The following TSGA10 variants were observed in gnomAD, a reference collection of about 807,000 sequenced individuals.
TSGA10 encodes the protein testis specific 10.
A neutral mutation model predicts 96.6 loss-of-function variants in TSGA10; 43 were observed. That is an observed-to-expected ratio of 0.44 (90% CI 0.35 to 0.57). TSGA10 has a LOEUF of 0.57. Among genes scored for constraint, TSGA10 ranks in the 20% least tolerant of loss-of-function variants. The pLI is 0.01. For missense variants in TSGA10, 703 were observed against 834.4 expected, an observed-to-expected ratio of 0.84 and a Z score of 1.94; for synonymous variants, 229 against 269.9, an observed-to-expected ratio of 0.85 and a Z score of 1.48.
At chr2:99,139,241 C>G (rs562563754) in intron 1 of TSGA10, among the ~76,000 whole-genome samples, 1 of 151,790 alleles carries the variant, frequency 6.6e-6, no homozygotes, top group African/African-American at 2.4e-5. Context: ...CCAGCCTGAG[C>G]GACAGTGAGA....
At chr2:99,035,137 T>C in intron 17 of TSGA10, 93 bp downstream of exon 17, 1 of 874,996 alleles carries the variant, frequency 1.1e-6, no homozygotes, top group Non-Finnish European at 1.7e-6. Context: ...CATGGATTCA[T>C]GTAATATTAC....
At chr2:99,026,970 ATTAG>A (rs1208381775) in intron 17 of TSGA10, among the ~76,000 whole-genome samples, 1 of 152,222 alleles carries the variant, frequency 6.6e-6, no homozygotes, top group Non-Finnish European at 1.5e-5. Flanking sequence ...ATCATCAGGC[ATTAG>A]TTAGATTCTC....
intron 11 of TSGA10, among the ~76,000 whole-genome samples, chr2:99,079,641 AAACTGTTAGAGACAC>A (rs1354872775): frequency 1.8e-4 from 28 of 152,156 alleles, no homozygotes; most frequent in African/African-American, 6.5e-4. Context: ...TTACCTACAG[AAACTGTTAGAGACAC>A]AAAAGCTCTG....
intron 17 of TSGA10, among the ~76,000 whole-genome samples, chr2:99,032,728 T>C (rs531873345): frequency 3.3e-5 from 5 of 152,196 alleles, no homozygotes; most frequent in Non-Finnish European, 7.3e-5. Flanking sequence ...GATAATGTCA[T>C]AAAATTTTAG....
chr2:99,006,502 C>A (rs1037010323), intron 20 of TSGA10, among the ~76,000 whole-genome samples: 2 of 152,182 alleles, frequency 1.3e-5, no homozygotes, highest in African/African-American at 4.8e-5. Context: ...ACAGATACTT[C>A]TCAAAAGAAG....
intron 1 of TSGA10, among the ~76,000 whole-genome samples, chr2:99,135,632 A>G (rs2093292908): frequency 6.6e-6 from 1 of 152,224 alleles, no homozygotes; most frequent in Non-Finnish European, 1.5e-5. Context: ...TAGTTCTGCC[A>G]CATCTTAGCT....
chr2:99,097,118 C>T (rs550105798), intron 10 of TSGA10, among the ~76,000 whole-genome samples: 5 of 152,146 alleles, frequency 3.3e-5, no homozygotes, highest in Admixed American at 6.5e-5. Context: ...GGGAAGGAAA[C>T]GCTCTGTATC....
At chr2:99,038,691 G>T (rs2081901871) in intron 16 of TSGA10, among the ~76,000 whole-genome samples, 1 of 151,994 alleles carries the variant, frequency 6.6e-6, no homozygotes, top group Admixed American at 6.6e-5. Context: ...GAGATAGATG[G>T]CAACACAATA....
chr2:99,073,011 G>C lies in TSGA10; in HGVS notation c.938+7C>G, dbSNP rs746557337. On this transcript the variant is annotated splice_region_variant and intron_variant, in intron 13 of 20. Transcript: ENST00000393483. ...GAGCTCATATATTTGTTGCACGACT[G>C]ATTTACCTTGATGCCTGTTCCATCT... is the stretch of plus-strand genomic sequence containing the variant. The C allele has an allele frequency of 4.4e-6, 7 of 1,604,732 alleles. No individual in the cohort carries two copies. The highest frequency in any genetic ancestry group is 6.0e-6 in the Non-Finnish European group (7 of 1,173,586).
intron 10 of TSGA10, among the ~76,000 whole-genome samples, chr2:99,089,625 G>GT (rs2089029018): frequency 6.6e-6 from 1 of 152,128 alleles, no homozygotes; most frequent in South Asian, 2.1e-4. Flanking sequence ...GGTGAGGCCT[G>GT]TAATTGCTGG....
chr2:99,014,928 AG>A (rs2079367559), intron 20 of TSGA10, among the ~76,000 whole-genome samples: 1 of 152,226 alleles, frequency 6.6e-6, no homozygotes, highest in African/African-American at 2.4e-5. Context: ...CAACTCTCCC[AG>A]ATTAAATCAG....
chr2:99,138,372 T>A (rs530334870), intron 1 of TSGA10, among the ~76,000 whole-genome samples: 2 of 152,362 alleles, frequency 1.3e-5, no homozygotes, highest in East Asian at 3.9e-4. Context: ...TTGTTTACTA[T>A]CTCCCCATAC....
chr2:98,998,398 C>T, intron 20 of TSGA10, among the ~76,000 whole-genome samples, 177 bp from the exon 21 acceptor site: 1 of 152,152 alleles, frequency 6.6e-6, no homozygotes. Flanking sequence ...CTGGTACATT[C>T]ATACCATGGA....
rs758007806 is a variant in TSGA10 at position 99,018,213 on chromosome 2, G to T, written c.2059C>A (p.Arg687=). 1.2e-6 allele frequency: 2 copies of T among 1,613,386 alleles called. No individual in the cohort carries two copies. The highest frequency in any genetic ancestry group is 1.1e-5 in the South Asian group (1 of 91,042). ...AAATAGACTCACTCTTCTAATGATCGATCTAGGCCTCGGTCAGGAGATCGA... is the reference window on the plus strand; with the variant it reads ...AAATAGACTCACTCTTCTAATGATCTATCTAGGCCTCGGTCAGGAGATCGA... The part of the protein sequence containing the change: ...HHRSPDRGLD[R]SLEENLCYRD... The change falls in exon 20 of 21, where the codon CGA becomes AGA. Residue 687 remains arginine (R), a synonymous_variant. Transcript: ENST00000393483.
chr2:99,092,328 A>C (rs2089454034), intron 10 of TSGA10, among the ~76,000 whole-genome samples: 1 of 152,184 alleles, frequency 6.6e-6, no homozygotes, highest in African/African-American at 2.4e-5. Flanking sequence ...TACATCAAAA[A>C]GTCTGAAAGA....
At chr2:99,144,648 T>C (rs1453748048) in intron 1 of TSGA10, among the ~76,000 whole-genome samples, 1 of 15,760 alleles carries the variant, frequency 6.3e-5, no homozygotes, top group African/African-American at 1.4e-4. Flanking sequence ...AAACTCTGTC[T>C]CAAAAAAAAA....
At chr2:99,056,353 G>A (rs559269088) in intron 16 of TSGA10, among the ~76,000 whole-genome samples, 5 of 152,074 alleles carry the variant, frequency 3.3e-5, no homozygotes, top group Non-Finnish European at 2.9e-5. Flanking sequence ...ATGTAGTAAC[G>A]CAATCCTTAC....
At chr2:99,054,166 T>TA (rs1225960006) in intron 16 of TSGA10, among the ~76,000 whole-genome samples, 2 of 152,092 alleles carry the variant, frequency 1.3e-5, no homozygotes, top group Non-Finnish European at 2.9e-5. Flanking sequence ...GGTAGTGCCA[T>TA]AAAAAGCAGA....
At chr2:99,013,302 A>AGAT (rs749917862) in intron 20 of TSGA10, among the ~76,000 whole-genome samples, 76 of 152,064 alleles carry the variant, frequency 5.0e-4, no homozygotes, top group Middle Eastern at 6.8e-3. Context: ...ACTTAAGATC[A>AGAT]GATGATGATG....
Sources: gnomAD v4.1 joint callset for allele counts (sites outside exome capture counted in the v4.1 genomes callset) on GRCh38, gnomAD v4.1.1 for gene constraint, MANE v1.5 for transcripts, NCBI Gene and HGNC (gene_info 2026-07-23, HGNC 2026-07-21) for gene names.